TAFA1: variants seen among roughly 807,000 people sequenced by gnomAD.
The protein encoded by TAFA1 is chemokine-like protein TAFA-1.
Under a neutral mutation model 18.5 loss-of-function variants are expected in TAFA1, and 4 were observed. The observed-to-expected ratio is 0.22, with a 90% CI of 0.11 to 0.49. The LOEUF is 0.49. Ranked by LOEUF, TAFA1 falls within the 20% of genes least tolerant of loss-of-function variation. The probability of loss-of-function intolerance (pLI) is 0.98; values close to 1 mark genes in which losing one functional copy is unlikely to be tolerated. For missense variants in TAFA1, 147 were observed against 169.0 expected (o/e 0.87, Z 0.72); for synonymous variants, 56 against 55.2 (o/e 1.01, Z -0.06).
At chr3:68,293,192 C>T (rs993125483) in intron 2 of TAFA1, among the ~76,000 whole-genome samples, 1 of 152,080 alleles carries the variant, frequency 6.6e-6, no homozygotes, top group African/African-American at 2.4e-5. Context: ...AGATCCTCTC[C>T]CCAGGGAAAA....
intron 2 of TAFA1, among the ~76,000 whole-genome samples, chr3:68,255,473 A>G (rs1011863740): frequency 6.6e-6 from 1 of 152,056 alleles, no homozygotes; most frequent in African/African-American, 2.4e-5. Context: ...CTTAGTGTAC[A>G]ATCAGTAATC....
intron 3 of TAFA1, among the ~76,000 whole-genome samples, chr3:68,515,274 G>C (rs2072904493): frequency 6.6e-6 from 1 of 152,174 alleles, no homozygotes; most frequent in African/African-American, 2.4e-5. Context: ...ATCCTAGAAT[G>C]TTACTTGGGT....
chr3:68,255,766 T>A (rs1195101140), intron 2 of TAFA1, among the ~76,000 whole-genome samples: 1 of 152,118 alleles, frequency 6.6e-6, no homozygotes, highest in African/African-American at 2.4e-5. Context: ...CTGAAGATAT[T>A]GACTAAAGTG....
chr3:68,142,651 G>T (rs551355513), intron 2 of TAFA1, among the ~76,000 whole-genome samples: 81 of 152,322 alleles, frequency 5.3e-4, no homozygotes, highest in Non-Finnish European at 7.8e-4. Context: ...GTGGGCTAAA[G>T]AAGTTCCTGT....
At chr3:68,432,452 A>G (rs144787198) in intron 3 of TAFA1, among the ~76,000 whole-genome samples, 2 of 152,042 alleles carry the variant, frequency 1.3e-5, no homozygotes, top group African/African-American at 2.4e-5. Context: ...TTATATTTTC[A>G]TTAATAAGTG....
At chr3:68,089,304 G>T (rs942801694) in intron 2 of TAFA1, among the ~76,000 whole-genome samples, 6 of 152,100 alleles carry the variant, frequency 3.9e-5, no homozygotes, top group Non-Finnish European at 8.8e-5. Flanking sequence ...AAGTTTAAAT[G>T]ATATATTATG....
intron 2 of TAFA1, among the ~76,000 whole-genome samples, chr3:68,090,627 G>A (rs1575611327): frequency 6.6e-6 from 1 of 152,268 alleles, no homozygotes; most frequent in South Asian, 2.1e-4. Context: ...CTTGTTCAAT[G>A]TTGGCTGTCC....
intron 3 of TAFA1, among the ~76,000 whole-genome samples, chr3:68,442,342 GC>G (rs896699949): frequency 6.6e-5 from 10 of 152,080 alleles, no homozygotes; most frequent in Admixed American, 1.3e-4. Context: ...AAGCTAATGT[GC>G]TTGCTCAGGT....
intron 2 of TAFA1, among the ~76,000 whole-genome samples, chr3:68,264,886 G>C (rs564063557): frequency 7.1e-4 from 108 of 152,180 alleles, no homozygotes; most frequent in African/African-American, 2.6e-3. Context: ...TGAGAAGACA[G>C]AGATGGTCAG....
At chr3:68,468,632 G>T (rs953204870) in intron 3 of TAFA1, among the ~76,000 whole-genome samples, 2 of 152,138 alleles carry the variant, frequency 1.3e-5, no homozygotes, top group Admixed American at 1.3e-4. Flanking sequence ...GCCCAAGAGG[G>T]CTCTGAAATG....
intron 3 of TAFA1, among the ~76,000 whole-genome samples, chr3:68,516,778 TC>T (rs2072926500): frequency 1.3e-5 from 2 of 152,040 alleles, no homozygotes; most frequent in Admixed American, 1.3e-4. Flanking sequence ...AATAAATTGT[TC>T]CTTCTTTTTT....
chr3:68,208,073 T>C (rs2066547804), intron 2 of TAFA1, among the ~76,000 whole-genome samples: 1 of 151,910 alleles, frequency 6.6e-6, no homozygotes, highest in Non-Finnish European at 1.5e-5. Context: ...TTTTTCATTG[T>C]ATGAAAAAAG....
intron 2 of TAFA1, among the ~76,000 whole-genome samples, chr3:68,053,629 C>T (rs766178158): frequency 5.3e-5 from 8 of 152,200 alleles, no homozygotes; most frequent in Admixed American, 1.3e-4. Flanking sequence ...GACACTCAAA[C>T]GGCAAATTAA....
intron 2 of TAFA1, among the ~76,000 whole-genome samples, chr3:68,270,419 C>T (rs1212794173): frequency 6.6e-6 from 1 of 152,172 alleles, no homozygotes; most frequent in African/African-American, 2.4e-5. Flanking sequence ...GTTGCCTACA[C>T]TTGAAGTTAG....
intron 3 of TAFA1, among the ~76,000 whole-genome samples, chr3:68,527,293 A>C (rs1343653368): frequency 6.6e-6 from 1 of 152,110 alleles, no homozygotes; most frequent in African/African-American, 2.4e-5. Context: ...GAATTAGGAG[A>C]GCTTCCTTGA....
chr3:68,529,773 G>A (rs1032536482), intron 3 of TAFA1, among the ~76,000 whole-genome samples: 7 of 152,108 alleles, frequency 4.6e-5, no homozygotes, highest in Non-Finnish European at 7.4e-5. Context: ...AAGAGGGTGA[G>A]AATTCACTCA....
At chr3:68,086,467 T>A (rs370076695) in intron 2 of TAFA1, among the ~76,000 whole-genome samples, 1 of 152,316 alleles carries the variant, frequency 6.6e-6, no homozygotes, top group East Asian at 1.9e-4. Context: ...TTTGGAAGCA[T>A]CTCTGATTGT....
intron 2 of TAFA1, among the ~76,000 whole-genome samples, chr3:68,284,872 T>G (rs1305289034): frequency 2.6e-5 from 4 of 152,180 alleles, no homozygotes; most frequent in Non-Finnish European, 5.9e-5. Flanking sequence ...CAGTTTGTGA[T>G]CAGCCTGGAA....
intron 2 of TAFA1, among the ~76,000 whole-genome samples, chr3:68,304,491 C>T (rs1361488309): frequency 6.6e-6 from 1 of 152,092 alleles, no homozygotes; most frequent in Non-Finnish European, 1.5e-5. Context: ...ATGTTCTATG[C>T]CCACCTCCCA....
Sources: allele counts gnomAD v4.1 joint callset (sites outside exome capture counted in the v4.1 genomes callset), GRCh38; gene constraint gnomAD v4.1.1; transcripts MANE v1.5; gene names NCBI Gene and HGNC (gene_info 2026-07-23, HGNC 2026-07-21).